The following PRKCH variants were observed in gnomAD, a reference collection of about 807,000 sequenced individuals.
PRKCH encodes protein kinase C eta type.
A neutral mutation model predicts 82.5 loss-of-function variants in PRKCH; 28 were observed. That is an observed-to-expected ratio of 0.34 (90% CI 0.25 to 0.47). The LOEUF is 0.47. Ranked by LOEUF, PRKCH falls within the 20% of genes least tolerant of loss-of-function variation. The pLI, the probability that PRKCH is intolerant of heterozygous loss-of-function variation, is 1.00. For missense variants in PRKCH, 705 were observed against 881.8 expected, an observed-to-expected ratio of 0.80 and a Z score of 2.54; for synonymous variants, 322 against 327.4, an observed-to-expected ratio of 0.98 and a Z score of 0.18.
chr14:61,487,959 C>T (rs887599030), intron 10 of PRKCH, among the ~76,000 whole-genome samples: 1 of 152,130 alleles, frequency 6.6e-6, no homozygotes, highest in East Asian at 1.9e-4. Flanking sequence ...CGAGACCATC[C>T]TGGCTAACAC....
intron 1 of PRKCH, among the ~76,000 whole-genome samples, chr14:61,247,601 T>A (rs2044896907): frequency 6.6e-6 from 1 of 151,804 alleles, no homozygotes; most frequent in Admixed American, 6.6e-5. Flanking sequence ...CCAGGTATAG[T>A]GGCATGTGCC....
At chr14:61,393,933 T>C (rs2046728054) in intron 2 of PRKCH, among the ~76,000 whole-genome samples, 1 of 152,270 alleles carries the variant, frequency 6.6e-6, no homozygotes, top group African/African-American at 2.4e-5. Flanking sequence ...GGTTGTTCTC[T>C]CACATCATCA....
intron 1 of PRKCH, among the ~76,000 whole-genome samples, chr14:61,349,300 A>G (rs1353980493): frequency 1.3e-5 from 2 of 152,176 alleles, no homozygotes; most frequent in Non-Finnish European, 2.9e-5. Flanking sequence ...TTTATTGAGT[A>G]CCTACTATGT....
At chr14:61,208,088 A>T (rs932509569) in intron 1 of PRKCH, among the ~76,000 whole-genome samples, 3 of 152,156 alleles carry the variant, frequency 2.0e-5, no homozygotes, top group African/African-American at 7.2e-5. Context: ...TTTTTTTGAA[A>T]TGTCCCTTCT....
chr14:61,267,677 A>G (rs1039340952), intron 1 of PRKCH, among the ~76,000 whole-genome samples: 1 of 152,250 alleles, frequency 6.6e-6, no homozygotes, highest in African/African-American at 2.4e-5. Context: ...TTGATAGTGC[A>G]GGCAGTGGAA....
chr14:61,428,076 T>TAGATAGATACACAGATAC, intron 2 of PRKCH, among the ~76,000 whole-genome samples: 1 of 126,262 alleles, frequency 7.9e-6, no homozygotes, highest in South Asian at 2.8e-4. Flanking sequence ...GATAGATAGA[T>TAGATAGATACACAGATAC]ACACACACAC....
At chr14:61,363,484 C>T (rs139811603) in intron 1 of PRKCH, among the ~76,000 whole-genome samples, 30 of 152,102 alleles carry the variant, frequency 2.0e-4, no homozygotes, top group Admixed American at 1.4e-3. Flanking sequence ...CAACTGGCTA[C>T]GGGGAGTGGA....
chr14:61,362,726 C>T (rs563924767), intron 1 of PRKCH, among the ~76,000 whole-genome samples: 30 of 152,338 alleles, frequency 2.0e-4, no homozygotes, highest in Middle Eastern at 3.4e-3. Flanking sequence ...CCTGAAGATG[C>T]TTGTTCTGTT....
intron 2 of PRKCH, among the ~76,000 whole-genome samples, chr14:61,402,824 A>G (rs1881711565): frequency 6.6e-6 from 1 of 151,522 alleles, no homozygotes; most frequent in East Asian, 1.9e-4. Flanking sequence ...AGAAAAAAGA[A>G]AGAATCTAGC....
chr14:61,481,292 C>T (rs959331099), intron 9 of PRKCH, among the ~76,000 whole-genome samples: 3 of 152,158 alleles, frequency 2.0e-5, no homozygotes, highest in African/African-American at 7.2e-5. Flanking sequence ...TGTCGTAAAG[C>T]CTGCGCACCA....
intron 10 of PRKCH, among the ~76,000 whole-genome samples, chr14:61,518,205 C>T (rs1448403808): frequency 6.6e-6 from 1 of 152,174 alleles, no homozygotes; most frequent in Non-Finnish European, 1.5e-5. Flanking sequence ...CTCCTGGTGT[C>T]TTTGCCTGAA....
intron 10 of PRKCH, among the ~76,000 whole-genome samples, chr14:61,499,051 G>A (rs765152782): frequency 1.3e-5 from 2 of 152,096 alleles, no homozygotes; most frequent in African/African-American, 2.4e-5. Flanking sequence ...AGACCGAGGC[G>A]TTGTCATGCG....
intron 1 of PRKCH, among the ~76,000 whole-genome samples, chr14:61,283,081 G>C (rs753346152): frequency 6.6e-5 from 10 of 151,552 alleles, no homozygotes; most frequent in Non-Finnish European, 1.2e-4. Context: ...AGTTGTCCAG[G>C]CTTGTCTCAA....
intron 2 of PRKCH, among the ~76,000 whole-genome samples, chr14:61,415,658 G>A (rs540593750): frequency 6.6e-6 from 1 of 152,176 alleles, no homozygotes; most frequent in South Asian, 2.1e-4. Context: ...GTCACCTTCA[G>A]TTTTTTAAAA....
At chr14:61,511,781 T>C (rs1003819580) in intron 10 of PRKCH, among the ~76,000 whole-genome samples, 1 of 152,178 alleles carries the variant, frequency 6.6e-6, no homozygotes, top group Non-Finnish European at 1.5e-5. Flanking sequence ...GGAGGAGAGA[T>C]AGCACCACCT....
In PRKCH at chr14:61,529,210, A is replaced by G. The variant is rs775048050; in HGVS notation, c.1569A>G (p.Pro523=). 15 of 1,611,482 alleles carry G rather than the reference A, an allele frequency of 9.3e-6. No homozygotes were observed. Among genetic ancestry groups the G allele is most frequent in the Non-Finnish European group, 1.3e-5 (15 of 1,178,614 alleles). The part of the protein sequence containing the change: ...TFCGTPDYIA[P]EILQEMLYGP... The stretch of plus-strand genomic sequence containing the variant: ...GTGGCACGCCAGACTATATCGCTCC[A>G]GAGGTGAGTGCAGCTGCTTGATGCA... Residue 523 remains proline, a synonymous_variant, in exon 11 of 14, where the codon CCA becomes CCG. Coordinates refer to ENST00000332981, the MANE Select transcript of PRKCH (RefSeq NM_006255.5).
At chr14:61,474,774 C>G (rs1024600604) in intron 9 of PRKCH, among the ~76,000 whole-genome samples, 1 of 152,066 alleles carries the variant, frequency 6.6e-6, no homozygotes, top group Non-Finnish European at 1.5e-5. Context: ...AGATTTTGTT[C>G]CCCAGCCAGA....
intron 1 of PRKCH, among the ~76,000 whole-genome samples, chr14:61,224,058 T>G (rs544133551): frequency 6.6e-6 from 1 of 152,338 alleles, no homozygotes; most frequent in African/African-American, 2.4e-5. Context: ...TAACTCAAAA[T>G]GACATTTTAA....
chr14:61,340,624 T>C (rs574434330), intron 1 of PRKCH, among the ~76,000 whole-genome samples: 1 of 152,010 alleles, frequency 6.6e-6, no homozygotes, highest in South Asian at 2.1e-4. Flanking sequence ...AGAGGAGGAG[T>C]GCTGTGGCAC....
Sources: gnomAD v4.1 joint callset for allele counts (sites outside exome capture counted in the v4.1 genomes callset) on GRCh38, gnomAD v4.1.1 for gene constraint, MANE v1.5 for transcripts, NCBI Gene and HGNC (gene_info 2026-07-23, HGNC 2026-07-21) for gene names.